The following SLC16A2 variants were observed in gnomAD, a reference collection of about 807,000 sequenced individuals.
SLC16A2 encodes the protein solute carrier family 16 member 2.
In SLC16A2, 3 loss-of-function variants were observed where a neutral mutation model predicts 27.2. The observed-to-expected ratio is 0.11, with a 90% CI of 0.05 to 0.28. The LOEUF is 0.28. Among genes scored for constraint, SLC16A2 ranks in the 10% least tolerant of loss-of-function variants. The pLI, the probability that SLC16A2 is intolerant of heterozygous loss-of-function variation, is 1.00. For missense variants in SLC16A2, 295 were observed against 458.5 expected (o/e 0.64, Z 3.26); for synonymous variants, 202 against 187.8 (o/e 1.08, Z -0.62).
At chrX:74,512,696 G>A (rs181931308) in intron 1 of SLC16A2, among the ~76,000 whole-genome samples, 79 of 112,110 alleles carry the variant, frequency 7.0e-4, no homozygotes, top group Non-Finnish European at 1.1e-3. Flanking sequence ...TATTTTCTGA[G>A]CAGTCTCCTG....
At chrX:74,428,156 G>C (rs952818594) in intron 1 of SLC16A2, among the ~76,000 whole-genome samples, 2 of 111,119 alleles carry the variant, frequency 1.8e-5, no homozygotes, top group Admixed American at 1.9e-4. Context: ...GCGGGTTTAG[G>C]CAACCCCAGC....
intron 1 of SLC16A2, among the ~76,000 whole-genome samples, chrX:74,427,838 C>G (rs1411413934): frequency 8.2e-5 from 9 of 110,081 alleles, no homozygotes; most frequent in African/African-American, 2.3e-4. Context: ...CACACACACA[C>G]ACACCCATAC....
chrX:74,485,073 G>A (rs1196024442), intron 1 of SLC16A2, among the ~76,000 whole-genome samples: 1 of 110,227 alleles, frequency 9.1e-6, no homozygotes, highest in Non-Finnish European at 1.9e-5. Context: ...AAAACTATCC[G>A]GGCGTGGGGG....
chrX:74,485,717 C>T (rs1281344290), intron 1 of SLC16A2, among the ~76,000 whole-genome samples: 2 of 111,165 alleles, frequency 1.8e-5, no homozygotes, highest in African/African-American at 3.3e-5. Flanking sequence ...TGGAACCCAG[C>T]GACTAGTGTT....
At chrX:74,520,537 T>C (rs1930389202) in intron 1 of SLC16A2, among the ~76,000 whole-genome samples, 1 of 111,835 alleles carries the variant, frequency 8.9e-6, no homozygotes. Context: ...ACAGTGTCCT[T>C]AGAAATCTTT....
chrX:74,485,082 G>A (rs1365466311), intron 1 of SLC16A2, among the ~76,000 whole-genome samples: 1 of 110,057 alleles, frequency 9.1e-6, no homozygotes, highest in Non-Finnish European at 1.9e-5. Flanking sequence ...CGGGCGTGGG[G>A]GCTCATGCCT....
At chrX:74,511,470 C>T (rs1436089774) in intron 1 of SLC16A2, among the ~76,000 whole-genome samples, 3 of 112,363 alleles carry the variant, frequency 2.7e-5, no homozygotes, top group Admixed American at 9.4e-5. Context: ...CGTGAGCCAC[C>T]GCACCCGGCC....
intron 1 of SLC16A2, among the ~76,000 whole-genome samples, chrX:74,440,714 A>G (rs776146037): frequency 9.2e-6 from 1 of 109,120 alleles, no homozygotes; most frequent in Non-Finnish European, 1.9e-5. Context: ...TGGAATTTTA[A>G]GTATATCCAA....
chrX:74,516,024 A>T (rs1930312479), intron 1 of SLC16A2, among the ~76,000 whole-genome samples: 1 of 112,468 alleles, frequency 8.9e-6, no homozygotes, highest in Admixed American at 9.4e-5. Context: ...ATTATAATAT[A>T]ATTGATTTAG....
At position 74,461,444 on chromosome X, in the gene SLC16A2, GTGTC is replaced by G. The variant is rs771007023; in HGVS notation, c.430+39385_430+39388del. Among the ~76,000 whole-genome samples, 4 of 110,332 alleles carry G rather than the reference GTGTC, an allele frequency of 3.6e-5. No individual in the cohort carries two copies. In the East Asian group the frequency reaches 8.6e-4, roughly 24 times the overall value. ...TGTGTGTGTGTGCACGCGTGCATGT[GTGTC>G]TGTCTGTGAAAAAGAGGGAAAGAGG... On this transcript the variant is annotated intron_variant, in intron 1 of 5. Transcript: ENST00000587091.
chrX:74,454,205 G>A (rs150767307), intron 1 of SLC16A2, among the ~76,000 whole-genome samples: 5 of 111,486 alleles, frequency 4.5e-5, no homozygotes, highest in Non-Finnish European at 9.4e-5. Flanking sequence ...AATACCATTT[G>A]ACCCCACCAT....
intron 1 of SLC16A2, among the ~76,000 whole-genome samples, chrX:74,467,314 G>C (rs1929269500): frequency 2.7e-5 from 3 of 111,643 alleles, no homozygotes; most frequent in African/African-American, 9.8e-5. Context: ...GTAGGGTTTG[G>C]AGTTGGGGTC....
At chrX:74,436,539 G>A (rs1336180150) in intron 1 of SLC16A2, among the ~76,000 whole-genome samples, 5 of 112,053 alleles carry the variant, frequency 4.5e-5, no homozygotes, top group East Asian at 5.6e-4. Flanking sequence ...CAGGAAGATA[G>A]CAAGAGTACT....
intron 2 of SLC16A2, among the ~76,000 whole-genome samples, chrX:74,522,008 A>G (rs974827284): frequency 2.7e-5 from 3 of 111,859 alleles, no homozygotes; most frequent in Non-Finnish European, 3.8e-5. Context: ...AGGAATATGG[A>G]ATTCCTAAAG....
At chrX:74,422,165 C>A in intron 1 of SLC16A2, 98 bp downstream of exon 1, 1 of 844,790 alleles carries the variant, frequency 1.2e-6, no homozygotes, top group South Asian at 2.2e-5. Context: ...GCCCCTCCAA[C>A]GCGCCTCTCC....
intron 1 of SLC16A2, among the ~76,000 whole-genome samples, chrX:74,430,930 T>A (rs1928524760): frequency 1.8e-5 from 2 of 112,301 alleles, no homozygotes; most frequent in South Asian, 7.4e-4. Flanking sequence ...TTTGTAGAGA[T>A]GGGGTTTCTT....
chrX:74,506,385 A>G (rs984076479), intron 1 of SLC16A2, among the ~76,000 whole-genome samples: 12 of 111,524 alleles, frequency 1.1e-4, no homozygotes, highest in Non-Finnish European at 3.8e-5. Flanking sequence ...TCTTTGCTTA[A>G]TACCTCTCCA....
chrX:74,516,052 G>GT (rs886870767), intron 1 of SLC16A2, among the ~76,000 whole-genome samples: 20 of 110,208 alleles, frequency 1.8e-4, no homozygotes, highest in Non-Finnish European at 2.1e-4. Flanking sequence ...CTCCTTTTGT[G>GT]TTTTTTTTTC....
At chrX:74,444,016 G>A (rs1406258031) in intron 1 of SLC16A2, among the ~76,000 whole-genome samples, 2 of 111,316 alleles carry the variant, frequency 1.8e-5, no homozygotes, top group Admixed American at 9.6e-5. Flanking sequence ...TCTGGGGGCA[G>A]GGGCAGGAGG....
Sources: allele counts gnomAD v4.1 joint callset (sites outside exome capture counted in the v4.1 genomes callset), GRCh38; gene constraint gnomAD v4.1.1; transcripts MANE v1.5; gene names NCBI Gene and HGNC (gene_info 2026-07-23, HGNC 2026-07-21).